The following TMEM45B variants were observed in gnomAD, a reference collection of about 807,000 sequenced individuals.
TMEM45B encodes the protein transmembrane protein 45B.
TMEM45B carries 29 observed loss-of-function variants against 27.3 expected under a neutral mutation model. The observed-to-expected ratio is 1.06, with a 90% confidence interval of 0.79 to 1.45. TMEM45B has a LOEUF of 1.45. TMEM45B is among the 40% of genes most tolerant of loss of function. TMEM45B has a pLI of 0.00. For missense variants in TMEM45B, 348 were observed against 343.9 expected (o/e 1.01, Z -0.09); for synonymous variants, 143 against 134.7 (o/e 1.06, Z -0.43).
intron 1 of TMEM45B, among the ~76,000 whole-genome samples, chr11:129,824,344 T>C (rs1250792734): frequency 6.6e-6 from 1 of 152,222 alleles, no homozygotes; most frequent in Non-Finnish European, 1.5e-5. Flanking sequence ...AAATATATGC[T>C]ACCCCACAAT....
At chr11:129,838,712 C>T (rs1240645589) in intron 1 of TMEM45B, among the ~76,000 whole-genome samples, 1 of 152,166 alleles carries the variant, frequency 6.6e-6, no homozygotes, top group East Asian at 1.9e-4. Context: ...CCACCACACA[C>T]TGGGAGACAT....
Position 129,852,520 on chromosome 11 carries a change from T to A in TMEM45B, c.38T>A (p.Phe13Tyr). Residue 13 changes from phenylalanine (F) to tyrosine (Y), a missense_variant, in exon 2 of 6, where the codon TTC (phenylalanine) becomes TAC (tyrosine). Coordinates refer to ENST00000281441, the MANE Select transcript of TMEM45B (RefSeq NM_138788.5). ...AAGGGCCACGCGCTTCCAGGGAGTT[T>A]CTTCCTGATCATTGGGCTGTGTTGG... ...NFKGHALPGSFFLIIGLCWSV... is the reference protein window; with the variant it reads ...NFKGHALPGSYFLIIGLCWSV... The A allele has an allele frequency of 6.2e-7, 1 of 1,610,114 alleles. No individual in the cohort carries two copies. The highest frequency in any genetic ancestry group is 8.5e-7 in the Non-Finnish European group (1 of 1,176,634).
chr11:129,841,458 C>G (rs574011282), intron 1 of TMEM45B, among the ~76,000 whole-genome samples: 4 of 152,198 alleles, frequency 2.6e-5, no homozygotes, highest in African/African-American at 9.6e-5. Flanking sequence ...AAAAACTATG[C>G]ATATATGGAG....
chr11:129,821,259 G>A (rs774539513), intron 1 of TMEM45B, among the ~76,000 whole-genome samples: 3 of 152,100 alleles, frequency 2.0e-5, no homozygotes, highest in Non-Finnish European at 4.4e-5. Context: ...AACTCATGGG[G>A]GCCCTCTGAG....
At chr11:129,819,735 T>C (rs961943854) in intron 1 of TMEM45B, among the ~76,000 whole-genome samples, 4 of 151,904 alleles carry the variant, frequency 2.6e-5, no homozygotes, top group African/African-American at 7.3e-5. Flanking sequence ...TTTGTATTTT[T>C]AGTAGAGACG....
Position 129,855,748 on chromosome 11 carries a change from G to A in TMEM45B, c.426G>A (p.Leu142=), listed in dbSNP as rs766724799. The A allele has an allele frequency of 5.6e-6, 9 of 1,614,150 alleles. No individual in the cohort carries two copies. Among genetic ancestry groups the A allele is most frequent in the South Asian group, 2.2e-5 (2 of 91,080 alleles). Residue 142 remains leucine, a synonymous_variant, in exon 4 of 6, where the codon CTG becomes CTA. Transcript: ENST00000281441. ...FYYHVHNRPP[L]DQHIHSLLLY... is the part of the protein sequence containing the mutation. Reference sequence around the variant, plus strand: ...ACCACGTCCACAACCGGCCTCCGCTGGACCAGCACATCCACTCACTCCTGC... The same window carrying A: ...ACCACGTCCACAACCGGCCTCCGCTAGACCAGCACATCCACTCACTCCTGC...
intron 1 of TMEM45B, among the ~76,000 whole-genome samples, chr11:129,821,091 A>G (rs1182276331): frequency 6.6e-6 from 1 of 152,096 alleles, no homozygotes; most frequent in Non-Finnish European, 1.5e-5. Context: ...TGGTGTATAT[A>G]TTATTCCCAA....
intron 1 of TMEM45B, among the ~76,000 whole-genome samples, chr11:129,833,034 G>C (rs185790461): frequency 1.1e-3 from 164 of 152,128 alleles, no homozygotes; most frequent in African/African-American, 2.6e-3. Context: ...CTGAGGTCAG[G>C]AGTTCGAGAC....
intron 1 of TMEM45B, among the ~76,000 whole-genome samples, chr11:129,843,368 T>C (rs1381261641): frequency 2.0e-5 from 3 of 152,238 alleles, no homozygotes; most frequent in Non-Finnish European, 2.9e-5. Flanking sequence ...GCTTTCCGCA[T>C]CCTGGATTCT....
intron 1 of TMEM45B, among the ~76,000 whole-genome samples, chr11:129,822,861 GAC>G (rs1234783695): frequency 7.6e-6 from 1 of 131,720 alleles, no homozygotes; most frequent in Non-Finnish European, 1.6e-5. Context: ...TTTTTTTTGA[GAC>G]AGAGTCTCAC....
At chr11:129,845,316 T>C in intron 1 of TMEM45B, among the ~76,000 whole-genome samples, 1 of 136,580 alleles carries the variant, frequency 7.3e-6, no homozygotes, top group Middle Eastern at 3.6e-3. Context: ...AAGGAAGGGG[T>C]AGGAAATAGA....
chr11:129,829,077 A>G (rs1947519417), intron 1 of TMEM45B, among the ~76,000 whole-genome samples: 1 of 152,230 alleles, frequency 6.6e-6, no homozygotes. Flanking sequence ...GGTGGTATTA[A>G]TGTCCCTGTT....
intron 1 of TMEM45B, among the ~76,000 whole-genome samples, chr11:129,837,151 T>C (rs1270341806): frequency 1.3e-5 from 2 of 152,040 alleles, no homozygotes; most frequent in African/African-American, 4.8e-5. Context: ...CTGCCTTCTT[T>C]CTTTGTTATT....
Position 129,846,812 on chromosome 11 carries a change from TGAA to T in TMEM45B, c.-8-5661_-8-5659del, listed in dbSNP as rs534946698. 2.7e-4 allele frequency among the ~76,000 whole-genome samples: 41 copies of T among 152,202 alleles called. 1 individual carries two copies. The highest frequency in any genetic ancestry group is 4.6e-4 in the Admixed American group (7 of 15,290). ...CATTTGAACAGAGACCTGAGTAAAG[TGAA>T]GGAGACAACTGTTGGCTGCCTGTGG... On this transcript the variant is annotated intron_variant, in intron 1 of 5. Coordinates refer to ENST00000281441, the MANE Select transcript of TMEM45B (RefSeq NM_138788.5).
intron 1 of TMEM45B, among the ~76,000 whole-genome samples, chr11:129,847,451 G>A (rs796390174): frequency 0.011 from 1,643 of 149,808 alleles, 30 homozygotes; most frequent in African/African-American, 0.038. Context: ...GGTGTTTCTC[G>A]CAGAGGGGGA....
intron 1 of TMEM45B, among the ~76,000 whole-genome samples, chr11:129,827,734 G>A (rs762866659): frequency 3.9e-5 from 6 of 152,190 alleles, no homozygotes; most frequent in East Asian, 1.9e-4. Flanking sequence ...ACTGGGAGGC[G>A]GAGGTTGCCA....
chr11:129,856,858 T>A (rs1403905104), intron 4 of TMEM45B, among the ~76,000 whole-genome samples: 1 of 81,456 alleles, frequency 1.2e-5, no homozygotes, highest in East Asian at 2.7e-4. Flanking sequence ...CGCGCCCGGC[T>A]TTTTTTTTTT....
chr11:129,849,525 C>T (rs76290638), intron 1 of TMEM45B, among the ~76,000 whole-genome samples: 1,543 of 152,334 alleles, frequency 0.01, 22 homozygotes, highest in African/African-American at 0.035. Flanking sequence ...GGCTCCACCC[C>T]GGTGACAAAT....
intron 5 of TMEM45B, 75 bp from the exon 6 acceptor site, chr11:129,858,499 T>A: frequency 1.0e-6 from 1 of 960,046 alleles, no homozygotes; most frequent in East Asian, 2.7e-5. Flanking sequence ...TAAGAATCAG[T>A]AGATGCCTTC....
Sources: allele counts gnomAD v4.1 joint callset (sites outside exome capture counted in the v4.1 genomes callset), GRCh38; gene constraint gnomAD v4.1.1; transcripts MANE v1.5; gene names NCBI Gene and HGNC (gene_info 2026-07-23, HGNC 2026-07-21).